CACNB4: variants seen among roughly 807,000 people sequenced by gnomAD.
The protein encoded by CACNB4 is voltage-dependent L-type calcium channel subunit beta-4.
CACNB4 carries 32 observed loss-of-function variants against 71.2 expected under a neutral mutation model. That is an observed-to-expected ratio of 0.45 (90% CI 0.34 to 0.60). CACNB4 has a LOEUF of 0.60. Ranked by LOEUF, CACNB4 falls within the 20% of genes least tolerant of loss-of-function variation. CACNB4 has a pLI of 0.01. For missense variants in CACNB4, 464 were observed against 647.9 expected (o/e 0.72, Z 3.08); for synonymous variants, 231 against 236.9 (o/e 0.97, Z 0.23).
intron 12 of CACNB4, among the ~76,000 whole-genome samples, chr2:151,846,807 A>G (rs1189532013): frequency 6.6e-6 from 1 of 152,106 alleles, no homozygotes; most frequent in Non-Finnish European, 1.5e-5. Context: ...CACCTGCCTC[A>G]GCCTCCCAAA....
At chr2:151,973,528 G>A in intron 2 of CACNB4, 1 of 733,774 alleles carries the variant, frequency 1.4e-6, no homozygotes, top group Non-Finnish European at 2.3e-6. Flanking sequence ...TTACACAGCA[G>A]CCAGCAAGCC....
At chr2:152,077,195 T>A (rs559357268) in intron 2 of CACNB4, among the ~76,000 whole-genome samples, 6 of 151,928 alleles carry the variant, frequency 3.9e-5, no homozygotes, top group Non-Finnish European at 8.8e-5. Flanking sequence ...CCGAGGTGGG[T>A]GGATCACCTG....
At chr2:152,014,929 G>T (rs1033220808) in intron 2 of CACNB4, among the ~76,000 whole-genome samples, 1 of 152,064 alleles carries the variant, frequency 6.6e-6, no homozygotes, top group Non-Finnish European at 1.5e-5. Flanking sequence ...TTAATCAAAA[G>T]GACAAAAACA....
chr2:151,876,762 T>A (rs371681855), intron 4 of CACNB4, among the ~76,000 whole-genome samples: 143 of 141,518 alleles, frequency 1.0e-3, no homozygotes, highest in Middle Eastern at 3.7e-3. Context: ...TATGTGTGTA[T>A]ACTATATTTT....
intron 2 of CACNB4, among the ~76,000 whole-genome samples, chr2:151,993,534 C>G (rs1258021492): frequency 6.6e-6 from 1 of 150,494 alleles, no homozygotes; most frequent in South Asian, 2.1e-4. Context: ...GACTACTTCT[C>G]TGAACACGGA....
At chr2:151,957,257 C>CGTGTATGT (rs3068823) in intron 2 of CACNB4, among the ~76,000 whole-genome samples, 5,869 of 131,762 alleles carry the variant, frequency 0.045, 257 homozygotes, top group Middle Eastern at 0.11. Context: ...AGTGGCTGGG[C>CGTGTATGT]GTGTGTGTGT....
chr2:151,925,777 G>A (rs1258889643), intron 2 of CACNB4, among the ~76,000 whole-genome samples: 1 of 152,134 alleles, frequency 6.6e-6, no homozygotes, highest in African/African-American at 2.4e-5. Context: ...CAGCAAGGTG[G>A]TGGAGAAGGG....
At chr2:152,007,916 C>A (rs1432666268) in intron 2 of CACNB4, among the ~76,000 whole-genome samples, 1 of 152,026 alleles carries the variant, frequency 6.6e-6, no homozygotes, top group East Asian at 1.9e-4. Flanking sequence ...GGATTACAGG[C>A]ACCTGCCACC....
chr2:151,861,439 A>G (rs2099841612), intron 9 of CACNB4: 1 of 152,304 alleles, frequency 6.6e-6, no homozygotes, highest in African/African-American at 2.4e-5. Context: ...TATTTGCATA[A>G]GACTTTGAAT....
At chr2:152,089,754 A>G (rs1687865089) in intron 2 of CACNB4, among the ~76,000 whole-genome samples, 1 of 151,812 alleles carries the variant, frequency 6.6e-6, no homozygotes, top group Non-Finnish European at 1.5e-5. Flanking sequence ...CAATATGGTG[A>G]GACCCCATTT....
chr2:151,870,509 G>A (rs1218906848), intron 8 of CACNB4, 22 bp downstream of exon 8: 1 of 1,593,388 alleles, frequency 6.3e-7, no homozygotes. Flanking sequence ...AAGAACTGAA[G>A]AGTAACAGAT....
chr2:151,946,906 G>A (rs2099865742), intron 2 of CACNB4, among the ~76,000 whole-genome samples: 3 of 152,188 alleles, frequency 2.0e-5, no homozygotes, highest in Admixed American at 2.0e-4. Flanking sequence ...TGACTCTGAA[G>A]GACGGTGATT....
At chr2:151,993,079 T>C (rs921964711) in intron 2 of CACNB4, among the ~76,000 whole-genome samples, 1 of 151,770 alleles carries the variant, frequency 6.6e-6, no homozygotes, top group Non-Finnish European at 1.5e-5. Context: ...TCTTTTTTGG[T>C]AGGTGTGGGA....
chr2:152,091,219 GAC>G (rs1245000203), intron 2 of CACNB4, among the ~76,000 whole-genome samples: 1 of 152,068 alleles, frequency 6.6e-6, no homozygotes, highest in Non-Finnish European at 1.5e-5. Context: ...TGCCAAGAGC[GAC>G]AGAGTTCTTT....
intron 2 of CACNB4, among the ~76,000 whole-genome samples, chr2:151,925,603 A>G (rs1460685497): frequency 6.8e-6 from 1 of 146,242 alleles, no homozygotes; most frequent in Non-Finnish European, 1.5e-5. Context: ...GCAACTGTGC[A>G]TATTTCTTCT....
intron 2 of CACNB4, among the ~76,000 whole-genome samples, chr2:151,932,824 T>TA (rs34714238): frequency 0.16 from 11,150 of 69,742 alleles, 1,825 homozygotes; most frequent in African/African-American, 0.43. Context: ...AGACTGGATC[T>TA]AAAAAAAAAA....
Position 151,961,625 on chromosome 2 carries a change from T to A in CACNB4, c.148-78255A>T, listed in dbSNP as rs569997261. On this transcript the variant is annotated intron_variant, in intron 2 of 13. Coordinates refer to ENST00000539935, the MANE Select transcript of CACNB4 (RefSeq NM_000726.5). Reference sequence around the variant, plus strand: ...ATGGCTTCAGGCTGAGCGCAGTGGCTTATGGCTGTAATCTTAGCACTTTGG... The same window carrying A: ...ATGGCTTCAGGCTGAGCGCAGTGGCATATGGCTGTAATCTTAGCACTTTGG... 7.2e-5 allele frequency among the ~76,000 whole-genome samples: 11 copies of A among 152,272 alleles called. No individual in the cohort carries two copies. The East Asian group carries it at 2.1e-3, about 29-fold the overall frequency.
chr2:152,002,274 C>T (rs1188966427), intron 2 of CACNB4, among the ~76,000 whole-genome samples: 1 of 152,240 alleles, frequency 6.6e-6, no homozygotes, highest in African/African-American at 2.4e-5. Flanking sequence ...AACACACACA[C>T]ACATACATAT....
intron 2 of CACNB4, among the ~76,000 whole-genome samples, chr2:152,068,250 C>T (rs1404668287): frequency 6.6e-6 from 1 of 152,178 alleles, no homozygotes; most frequent in African/African-American, 2.4e-5. Flanking sequence ...ACTCTCCCTT[C>T]CTCTTGCTAG....
Sources: gnomAD v4.1 joint callset for allele counts (sites outside exome capture counted in the v4.1 genomes callset) on GRCh38, gnomAD v4.1.1 for gene constraint, MANE v1.5 for transcripts, NCBI Gene and HGNC (gene_info 2026-07-23, HGNC 2026-07-21) for gene names.